Variants in ABCA4 observed in about 807,000 individuals in gnomAD.
ABCA4 encodes retinal-specific phospholipid-transporting ATPase ABCA4.
Under a neutral mutation model 263.7 loss-of-function variants are expected in ABCA4, and 196 were observed. The observed-to-expected ratio is 0.74, with a 90% confidence interval of 0.66 to 0.84. The LOEUF is 0.84. Ranked by LOEUF, ABCA4 falls within the 40% of genes least tolerant of loss-of-function variation. The pLI is 0.00. For synonymous variants in ABCA4, 1,133 were observed against 1,094.2 expected, an observed-to-expected ratio of 1.04 and a Z score of -0.70; for missense variants, 2,792 against 2,855.1, an observed-to-expected ratio of 0.98 and a Z score of 0.50.
At chr1:94,016,646 T>C (rs755575136) in intron 36 of ABCA4, among the ~76,000 whole-genome samples, 4 of 152,138 alleles carry the variant, frequency 2.6e-5, no homozygotes, top group Non-Finnish European at 5.9e-5. Context: ...GAAAAAAAAC[T>C]AGAATGAGCC....
chr1:94,001,837 G>A, intron 45 of ABCA4, 21 bp downstream of exon 45: 1 of 1,614,138 alleles, frequency 6.2e-7, no homozygotes. Context: ...AGCCCTTGGT[G>A]CGGCCCAAGC....
At position 94,031,137 on chromosome 1, in the gene ABCA4, G is replaced by A. The variant is rs200194007; in HGVS notation, c.4129-17C>T. The A allele has an allele frequency of 1.5e-4, 245 of 1,613,754 alleles. No individual in the cohort carries two copies. The African/African-American group carries it at 2.7e-3, about 18-fold the overall frequency. ...GAGCACGATCTGTGGGAGAATAGAC[G>A]TGGAATAAACATGACTGTGGCATGG... On this transcript the variant is annotated splice_polypyrimidine_tract_variant and intron_variant, in intron 27 of 49. Transcript: ENST00000370225.
Position 94,007,800 on chromosome 1 carries a change from C to G in ABCA4, c.5899-60G>C. 2.7e-6 allele frequency: 4 copies of G among 1,491,612 alleles called. No individual in the cohort carries two copies. In the South Asian group the frequency reaches 4.5e-5, roughly 17 times the overall value. The allele number at this position is 1,491,612 out of a possible 1,614,324, so 92.4% of individuals were successfully genotyped here. A position where few individuals can be genotyped will look rare whatever the true frequency, so the allele number is the denominator to read the frequency against. ...GATCAAGAAGGTCTAAAATGTCAGG[C>G]CCCAGGGTAAGTGTGTGTGTGAGCT... On this transcript the variant is annotated intron_variant, in intron 42 of 49. Coordinates refer to ENST00000370225, the MANE Select transcript of ABCA4 (RefSeq NM_000350.3).
chr1:94,017,567 G>A (rs920708067), intron 36 of ABCA4, among the ~76,000 whole-genome samples: 3 of 152,184 alleles, frequency 2.0e-5, no homozygotes, highest in Non-Finnish European at 4.4e-5. Flanking sequence ...TTTTCTGAAA[G>A]ACATCACTGG....
chr1:94,037,296 A>G lies in ABCA4; in HGVS notation c.3662T>C (p.Leu1221Pro). ...AAGTTCTTGACCAATGCACTCCACCAGCTTTGCCTCTGGAACATGGTGGAG... is the reference window on the plus strand; with the variant it reads ...AAGTTCTTGACCAATGCACTCCACCGGCTTTGCCTCTGGAACATGGTGGAG... ...VVLHHVPEAK[L>P]VECIGQELIF... is the part of the protein sequence containing the mutation. Residue 1221 changes from leucine (L) to proline (P), a missense_variant, in exon 25 of 50, where the codon CTG (leucine) becomes CCG (proline). By Grantham distance (98) the Leu-to-Pro change is moderately conservative. Transcript: ENST00000370225. The G allele has an allele frequency of 1.9e-6, 3 of 1,614,240 alleles. No individual in the cohort carries two copies.
At chr1:94,065,798 T>C (rs1367017639) in intron 11 of ABCA4, among the ~76,000 whole-genome samples, 2 of 152,228 alleles carry the variant, frequency 1.3e-5, no homozygotes, top group African/African-American at 4.8e-5. Flanking sequence ...TAAAATGATA[T>C]GGAATTGGTA....
In ABCA4 at chr1:94,014,706, C is replaced by A; in HGVS notation, c.5313-16G>T. ...GACCGCCCATCTGTGTGAAATGAGACAACTCAGAGTGATGGAGTTCCACAT... is the reference window on the plus strand; with the variant it reads ...GACCGCCCATCTGTGTGAAATGAGAAAACTCAGAGTGATGGAGTTCCACAT... On this transcript the variant is annotated splice_polypyrimidine_tract_variant and intron_variant, in intron 37 of 49. Coordinates refer to ENST00000370225, the MANE Select transcript of ABCA4 (RefSeq NM_000350.3). 1 of 1,614,088 alleles carries A rather than the reference C, an allele frequency of 6.2e-7. No homozygotes were observed. Among genetic ancestry groups the A allele is most frequent in the Non-Finnish European group, 8.5e-7 (1 of 1,179,992 alleles).
chr1:94,012,432 T>C (rs1288431639), intron 38 of ABCA4, among the ~76,000 whole-genome samples: 1 of 152,182 alleles, frequency 6.6e-6, no homozygotes, highest in Non-Finnish European at 1.5e-5. Flanking sequence ...TCCATTCCTC[T>C]CTCCCAGCAC....
At chr1:94,004,720 A>G (rs1320512795) in intron 44 of ABCA4, among the ~76,000 whole-genome samples, 1 of 152,230 alleles carries the variant, frequency 6.6e-6, no homozygotes, top group Non-Finnish European at 1.5e-5. Context: ...GCTTCCAAAA[A>G]TTAAAACTAT....
chr1:94,010,927 C>T lies in ABCA4; in HGVS notation c.5587G>A (p.Glu1863Lys), dbSNP rs774570747. Residue 1863 changes from glutamate to lysine, a missense_variant and splice_region_variant, in exon 40 of 50, where the codon GAG becomes AAG. Coordinates refer to ENST00000370225, the MANE Select transcript of ABCA4 (RefSeq NM_000350.3). ...AVTDVYARFG[E>K]EHSANPFHWD... ...TGGAACGGATTTGCAGAGTGCTCCT[C>T]ACCTGGGCATCAACAGGAATTGAGT... 5.0e-6 allele frequency: 8 copies of T among 1,614,110 alleles called. No individual in the cohort carries two copies. Among genetic ancestry groups the T allele is most frequent in the Non-Finnish European group, 6.8e-6 (8 of 1,179,998 alleles).
At chr1:94,113,645 T>C (rs1344033718) in intron 1 of ABCA4, among the ~76,000 whole-genome samples, 3 of 152,176 alleles carry the variant, frequency 2.0e-5, no homozygotes, top group Non-Finnish European at 4.4e-5. Flanking sequence ...AATGTGGTCA[T>C]TTAATGAATC....
chr1:94,103,623 C>T (rs1662345171), intron 4 of ABCA4, among the ~76,000 whole-genome samples: 2 of 152,208 alleles, frequency 1.3e-5, no homozygotes. Context: ...CCCCAAGTGT[C>T]AGTGATGCTG....
chr1:94,104,443 C>G (rs1205736687), intron 4 of ABCA4, among the ~76,000 whole-genome samples: 1 of 152,244 alleles, frequency 6.6e-6, no homozygotes, highest in South Asian at 2.1e-4. Flanking sequence ...TCCCCTCCCC[C>G]AGTGGCCAAG....
Position 94,078,573 on chromosome 1 carries a change from C to CAA in ABCA4, c.1356+16_1356+17insTT. 1.2e-6 allele frequency: 1 copy of CAA among 847,688 alleles called. No individual in the cohort carries two copies. Among genetic ancestry groups the CAA allele is most frequent in the Non-Finnish European group, 1.9e-6 (1 of 537,548 alleles). The allele number at this position is 847,688 out of a possible 1,614,324, so 52.5% of individuals were successfully genotyped here. A position where few individuals can be genotyped will look rare whatever the true frequency, so the allele number is the denominator to read the frequency against. On this transcript the variant is annotated intron_variant, in intron 10 of 49. Transcript: ENST00000370225. Reference sequence around the variant, plus strand: ...CTTCCTCCTCCCCTCCCCTCCCCATCCTCCAACCCCCCTTACTCTGATCAT... The same window carrying CAA: ...CTTCCTCCTCCCCTCCCCTCCCCATCAACTCCAACCCCCCTTACTCTGATCAT...
At chr1:94,009,908 C>T (rs1364437684) in intron 40 of ABCA4, among the ~76,000 whole-genome samples, 1 of 152,234 alleles carries the variant, frequency 6.6e-6, no homozygotes, top group Non-Finnish European at 1.5e-5. Flanking sequence ...CTGACACTGT[C>T]TCCCATAACT....
Position 94,111,459 on chromosome 1 carries a change from A to G in ABCA4, c.281T>C (p.Val94Ala), listed in dbSNP as rs1382695024. Residue 94 changes from valine to alanine, a missense_variant, in exon 3 of 50, where the codon GTG (valine) becomes GCG (alanine). Coordinates refer to ENST00000370225, the MANE Select transcript of ABCA4 (RefSeq NM_000350.3). ...TTACATGGAGTTGTTATAGTTTGAC[A>G]CAATTCCAGGAGATTCTCCTGGGGT... ...SPTPGESPGI[V>A]SNYNNSILAR... is the part of the protein sequence containing the mutation. 3 of 1,613,976 alleles carry G rather than the reference A, an allele frequency of 1.9e-6. No individual in the cohort carries two copies. Among genetic ancestry groups the G allele is most frequent in the Non-Finnish European group, 2.5e-6 (3 of 1,180,002 alleles).
chr1:94,101,311 C>G (rs554278892), intron 5 of ABCA4, among the ~76,000 whole-genome samples: 1 of 151,420 alleles, frequency 6.6e-6, no homozygotes, highest in Non-Finnish European at 1.5e-5. Flanking sequence ...GGAAAATGAG[C>G]AATCGGTGCC....
chr1:94,111,648 T>C (rs987212130), intron 2 of ABCA4, 69 bp from the exon 3 acceptor site: 8 of 1,587,490 alleles, frequency 5.0e-6, no homozygotes, highest in East Asian at 2.2e-5. Flanking sequence ...GACCTAGGAG[T>C]TGGCCTTTTT....
chr1:94,119,142 G>A (rs551077704), intron 1 of ABCA4, among the ~76,000 whole-genome samples: 2 of 152,092 alleles, frequency 1.3e-5, no homozygotes, highest in Non-Finnish European at 2.9e-5. Context: ...TAGAAGGAAA[G>A]AATGAATACA....
Sources: gnomAD v4.1 joint callset for allele counts (sites outside exome capture counted in the v4.1 genomes callset) on GRCh38, gnomAD v4.1.1 for gene constraint, MANE v1.5 for transcripts, NCBI Gene and HGNC (gene_info 2026-07-23, HGNC 2026-07-21) for gene names.